Variants in COMMD2 observed in about 807,000 individuals in gnomAD.
COMMD2 encodes the protein COMM domain-containing protein 2.
Under a neutral mutation model 22.5 loss-of-function variants are expected in COMMD2, and 25 were observed. That is an observed-to-expected ratio of 1.11 (90% CI 0.81 to 1.55). The LOEUF (loss-of-function observed/expected upper bound fraction) is 1.55, where lower values mean the gene tolerates loss of function less well. Ranked by LOEUF, COMMD2 falls within the 40% of genes most tolerant of loss-of-function variation. The probability of loss-of-function intolerance (pLI) is 0.00; values close to 1 mark genes in which losing one functional copy is unlikely to be tolerated. For missense variants in COMMD2, 223 were observed against 232.9 expected (o/e 0.96, Z 0.28); for synonymous variants, 98 against 91.2 (o/e 1.07, Z -0.42).
At chr3:149,747,556 G>C (rs1716411363) in intron 4 of COMMD2, among the ~76,000 whole-genome samples, 1 of 152,210 alleles carries the variant, frequency 6.6e-6, no homozygotes, top group South Asian at 2.1e-4. Context: ...TACGAGAGTA[G>C]AGTGAAGATT....
rs1390938065 is a variant in COMMD2 at position 149,741,577 on chromosome 3, C to T, written c.544G>A (p.Ala182Thr). The change falls in exon 5 of 5, where the codon GCA (alanine) becomes ACA (threonine). Residue 182 changes from alanine (A) to threonine (T), a missense_variant. Transcript: ENST00000473414. ...LLHLVQQLEQ[A>T]LEEMKTNHCR... is the part of the protein sequence containing the mutation. ...TGATTTGTCTTCATCTCTTCCAATG[C>T]TTGTTCCAGTTGTTGAACCAAATGG... The T allele has an allele frequency of 3.1e-6, 5 of 1,613,990 alleles. No homozygotes were observed. The highest frequency in any genetic ancestry group is 4.2e-6 in the Non-Finnish European group (5 of 1,180,022).
chr3:149,742,696 C>T (rs1358788116), intron 4 of COMMD2, among the ~76,000 whole-genome samples: 2 of 152,052 alleles, frequency 1.3e-5, no homozygotes, highest in Non-Finnish European at 2.9e-5. Context: ...GGGCTAGGCA[C>T]GGTGGCTCAC....
At chr3:149,746,970 T>A (rs1017552959) in intron 4 of COMMD2, among the ~76,000 whole-genome samples, 1 of 152,120 alleles carries the variant, frequency 6.6e-6, no homozygotes, top group Non-Finnish European at 1.5e-5. Context: ...GAACTCACTA[T>A]CACAAGAACA....
intron 4 of COMMD2, among the ~76,000 whole-genome samples, chr3:149,741,928 A>G (rs949037252): frequency 2.0e-5 from 3 of 152,168 alleles, no homozygotes; most frequent in South Asian, 2.1e-4. Flanking sequence ...AACATGATAT[A>G]AAAGGCTCAA....
At position 149,739,709 on chromosome 3, in the gene COMMD2, G is replaced by A. The variant is rs1015297286; in HGVS notation, c.*1812C>T. 5 of 152,178 alleles carry A rather than the reference G, an allele frequency of 3.3e-5. No individual in the cohort carries two copies. The highest frequency in any genetic ancestry group is 3.3e-4 in the Admixed American group (5 of 15,282). 9.4% of individuals were successfully genotyped at this position (152,178 alleles called of 1,614,324 possible). On this transcript the variant is annotated 3_prime_UTR_variant, in exon 5 of 5. Coordinates refer to ENST00000473414, the MANE Select transcript of COMMD2 (RefSeq NM_016094.4). ...CAGGCATGTTGCTTTTAAACCCAAT[G>A]ACATATGCTACTATTTCACGTAATA...
intron 4 of COMMD2, among the ~76,000 whole-genome samples, chr3:149,743,156 A>G (rs930635619): frequency 1.3e-5 from 2 of 152,090 alleles, no homozygotes; most frequent in African/African-American, 4.8e-5. Flanking sequence ...TAAACTGGGT[A>G]TCTATAACCT....
rs777401512 is a variant in COMMD2 at position 149,752,468 on chromosome 3, C to A, written c.-24G>T. ...ATCTTCACTGTCCTACGATTTCACC[C>A]GGCAGCGCCGACCCCGCCTTCGCCA... On this transcript the variant is annotated 5_prime_UTR_variant, in exon 1 of 5. Coordinates refer to ENST00000473414, the MANE Select transcript of COMMD2 (RefSeq NM_016094.4). 1.2e-6 allele frequency: 2 copies of A among 1,601,994 alleles called. No individual in the cohort carries two copies. The highest frequency in any genetic ancestry group is 1.7e-6 in the Non-Finnish European group (2 of 1,173,306).
intron 4 of COMMD2, among the ~76,000 whole-genome samples, chr3:149,745,311 A>G (rs1371694725): frequency 6.6e-6 from 1 of 152,190 alleles, no homozygotes; most frequent in East Asian, 1.9e-4. Context: ...TATATGATAA[A>G]TAATTTAAGA....
chr3:149,742,073 T>C (rs1716245200), intron 4 of COMMD2, among the ~76,000 whole-genome samples: 1 of 151,758 alleles, frequency 6.6e-6, no homozygotes, highest in Non-Finnish European at 1.5e-5. Context: ...CAAAAAAAGA[T>C]TAGTATCCAG....
rs759526842 is a variant in COMMD2 at position 149,750,720 on chromosome 3, G to C, written c.360C>G (p.Ser120Arg). Reference protein sequence around the residue: ...IRTILSELAPSLPSYHNLEWR... With the variant: ...IRTILSELAPRLPSYHNLEWR... The stretch of plus-strand genomic sequence containing the variant: ...ATTCAAGGTTATGATAACTGGGAAG[G>C]CTTGGTGCCAATTCACTCAGAATCG... Residue 120 changes from serine (S) to arginine (R), a missense_variant, in exon 4 of 5, where the codon AGC becomes AGG. Transcript: ENST00000473414. 1.3e-5 allele frequency: 21 copies of C among 1,598,436 alleles called. No individual in the cohort carries two copies. Among genetic ancestry groups the C allele is most frequent in the Non-Finnish European group, 1.6e-5 (19 of 1,171,646 alleles).
Position 149,752,404 on chromosome 3 carries a change from G to C in COMMD2, c.41C>G (p.Ala14Gly), listed in dbSNP as rs992649966. Residue 14 changes from alanine to glycine, a missense_variant, in exon 1 of 5, where the codon GCC becomes GGC. Transcript: ENST00000473414. The stretch of plus-strand genomic sequence containing the variant: ...CGCGCTGTCCACTTGAGGCAGGAAG[G>C]CCAGGTGTTCCTTATGCTCCTCGGA... Reference protein sequence around the residue: ...ELSEEHKEHLAFLPQVDSAVV... With the variant: ...ELSEEHKEHLGFLPQVDSAVV... The C allele has an allele frequency of 3.7e-6, 6 of 1,614,152 alleles. No individual in the cohort carries two copies. The highest frequency in any genetic ancestry group is 5.1e-6 in the Non-Finnish European group (6 of 1,180,006).
At position 149,741,438 on chromosome 3, in the gene COMMD2, A is replaced by G; in HGVS notation, c.*83T>C. The G allele has an allele frequency of 9.3e-7, 1 of 1,073,844 alleles. No individual in the cohort carries two copies. Among genetic ancestry groups the G allele is most frequent in the Non-Finnish European group, 1.4e-6 (1 of 705,434 alleles). The allele number at this position is 1,073,844 out of a possible 1,614,324, so 66.5% of individuals were successfully genotyped here. On this transcript the variant is annotated 3_prime_UTR_variant, in exon 5 of 5. Coordinates refer to ENST00000473414, the MANE Select transcript of COMMD2 (RefSeq NM_016094.4). ...ACTATGTATTTATCATCATGAATTA[A>G]TAAAAAATTAATTTTGAAAAGTAAT...
At chr3:149,751,758 T>C in intron 2 of COMMD2, 1 of 294,192 alleles carries the variant, frequency 3.4e-6, no homozygotes, top group Non-Finnish European at 6.2e-6. Context: ...CTCCTTCAAG[T>C]CTGGCAGAAG....
rs776970730 is a variant in COMMD2 at position 149,752,487 on chromosome 3, T to C, written c.-43A>G. ...TTCACCCGGCAGCGCCGACCCCGCCTTCGCCACTTCCGGCGCCCGTGTCCC... is the reference window on the plus strand; with the variant it reads ...TTCACCCGGCAGCGCCGACCCCGCCCTCGCCACTTCCGGCGCCCGTGTCCC... On this transcript the variant is annotated 5_prime_UTR_variant, in exon 1 of 5. Transcript: ENST00000473414. 6 of 1,566,074 alleles carry C rather than the reference T, an allele frequency of 3.8e-6. No homozygotes were observed. The African/African-American group carries it at 8.1e-5, about 21-fold the overall frequency.
chr3:149,751,213 T>A, intron 3 of COMMD2, 190 bp downstream of exon 3: 2 of 781,788 alleles, frequency 2.6e-6, no homozygotes, highest in East Asian at 2.8e-5. Context: ...TAGCTATTTA[T>A]ACTAGCAAGA....
chr3:149,751,427 G>A lies in COMMD2; in HGVS notation c.204C>T (p.Leu68=). The A allele has an allele frequency of 4.3e-6, 7 of 1,614,030 alleles. No individual in the cohort carries two copies. The highest frequency in any genetic ancestry group is 5.9e-6 in the Non-Finnish European group (7 of 1,179,936). ...CCATGAGCTTTGAGCTCTCAGTGAG[G>A]AGATACGTTAATCCTTCCACACCAT... is the stretch of plus-strand genomic sequence containing the variant. The part of the protein sequence containing the change: ...VQHGVEGLTY[L]LTESSKLMIS... The change falls in exon 3 of 5, where the codon CTC becomes CTT. Residue 68 remains leucine (L), a synonymous_variant. Coordinates refer to ENST00000473414, the MANE Select transcript of COMMD2 (RefSeq NM_016094.4).
Position 149,751,482 on chromosome 3 carries a change from T to C in COMMD2, c.149A>G (p.Lys50Arg), listed in dbSNP as rs1271476769. 1.9e-6 allele frequency: 3 copies of C among 1,589,010 alleles called. No individual in the cohort carries two copies. The highest frequency in any genetic ancestry group is 1.8e-5 in the Admixed American group (1 of 54,900). Reference sequence around the variant, plus strand: ...GACAGTGTCACTACTCACATTGAGTTTTCCTGAGAAAGAAAAGTAAAAACG... The same window carrying C: ...GACAGTGTCACTACTCACATTGAGTCTTCCTGAGAAAGAAAAGTAAAAACG... ...NPKIYEGAAR[K>R]LNVSSDTVQH... Residue 50 changes from lysine to arginine, a missense_variant, in exon 3 of 5, where the codon AAA becomes AGA. Coordinates refer to ENST00000473414, the MANE Select transcript of COMMD2 (RefSeq NM_016094.4).
Position 149,751,433 on chromosome 3 carries a change from C to G in COMMD2, c.198G>C (p.Thr66=). ...DTVQHGVEGL[T]YLLTESSKLM... ...GCTTTGAGCTCTCAGTGAGGAGATA[C>G]GTTAATCCTTCCACACCATGCTGGA... Residue 66 remains threonine (T), a synonymous_variant, in exon 3 of 5, where the codon ACG becomes ACC. Coordinates refer to ENST00000473414, the MANE Select transcript of COMMD2 (RefSeq NM_016094.4). 1.2e-6 allele frequency: 2 copies of G among 1,614,050 alleles called. No homozygotes were observed. The highest frequency in any genetic ancestry group is 1.7e-6 in the Non-Finnish European group (2 of 1,179,932).
intron 4 of COMMD2, among the ~76,000 whole-genome samples, chr3:149,745,225 T>C (rs73868073): frequency 0.012 from 1,769 of 152,350 alleles, 36 homozygotes; most frequent in African/African-American, 0.04. Flanking sequence ...CTGCTTATGA[T>C]GTCCCCCAGA....
Sources: gnomAD v4.1 joint callset for allele counts (sites outside exome capture counted in the v4.1 genomes callset) on GRCh38, gnomAD v4.1.1 for gene constraint, MANE v1.5 for transcripts, NCBI Gene and HGNC (gene_info 2026-07-23, HGNC 2026-07-21) for gene names.